Variants in PCDH15 observed in about 807,000 individuals in gnomAD.
The protein encoded by PCDH15 is protocadherin related 15, also known as protocadherin-15.
In PCDH15, 129 loss-of-function variants were observed where a neutral mutation model predicts 178.5. That is an observed-to-expected ratio of 0.72 (90% CI 0.63 to 0.84). PCDH15 has a LOEUF of 0.84. PCDH15 is among the 40% of genes least tolerant of loss of function. The probability of loss-of-function intolerance (pLI) is 0.00; values close to 1 mark genes in which losing one functional copy is unlikely to be tolerated. For missense variants in PCDH15, 2,230 were observed against 2,099.9 expected, an observed-to-expected ratio of 1.06 and a Z score of -1.21; for synonymous variants, 800 against 732.0, an observed-to-expected ratio of 1.09 and a Z score of -1.50.
intron 2 of PCDH15, among the ~76,000 whole-genome samples, chr10:55,094,116 A>C (rs1842386365): frequency 6.6e-6 from 1 of 152,162 alleles, no homozygotes; most frequent in Non-Finnish European, 1.5e-5. Flanking sequence ...GGCACTATTC[A>C]CAATAGCAAA....
chr10:54,182,234 T>G (rs1024983270), intron 13 of PCDH15, among the ~76,000 whole-genome samples: 1 of 152,198 alleles, frequency 6.6e-6, no homozygotes, highest in Admixed American at 6.5e-5. Context: ...CCCAAAGTGC[T>G]AGGATTACAG....
chr10:54,853,366 CAT>C (rs375046492), intron 3 of PCDH15, among the ~76,000 whole-genome samples: 24,862 of 136,898 alleles, frequency 0.18, 2,886 homozygotes, highest in East Asian at 0.45. Flanking sequence ...TACACACACA[CAT>C]ATATATATAC....
intron 4 of PCDH15, among the ~76,000 whole-genome samples, chr10:54,370,398 A>G (rs1283329111): frequency 6.6e-6 from 1 of 151,840 alleles, no homozygotes; most frequent in East Asian, 1.9e-4. Context: ...GGCTCGTTGT[A>G]TATTTTATGT....
chr10:53,849,387 C>T (rs1488797896), intron 28 of PCDH15, among the ~76,000 whole-genome samples: 1 of 151,804 alleles, frequency 6.6e-6, no homozygotes, highest in African/African-American at 2.4e-5. Context: ...AGACTATAAG[C>T]ATTCAGAAAT....
At position 54,154,117 on chromosome 10, in the gene PCDH15, C is replaced by G. The variant is rs369480403; in HGVS notation, c.1591-824G>C. Among the ~76,000 whole-genome samples, 18 of 152,170 alleles carry G rather than the reference C, an allele frequency of 1.2e-4. 1 individual carries two copies. Among genetic ancestry groups the G allele is most frequent in the Admixed American group, 1.1e-3 (17 of 15,268 alleles). On this transcript the variant is annotated intron_variant, in intron 13 of 37. Coordinates refer to ENST00000644397, the MANE Select transcript of PCDH15 (RefSeq NM_001384140.1). ...GATAACAATGATTAACTTCATCAAG[C>G]AACATTAAAGCAACAGTGATTTATT...
At chr10:54,636,285 C>A (rs2093851073) in intron 2 of PCDH15, among the ~76,000 whole-genome samples, 1 of 151,692 alleles carries the variant, frequency 6.6e-6, no homozygotes, top group East Asian at 1.9e-4. Context: ...TTGCTTAAAC[C>A]AAGAATTAGA....
chr10:55,440,629 CT>C (rs1428862162), intron 2 of PCDH15, among the ~76,000 whole-genome samples: 3 of 152,076 alleles, frequency 2.0e-5, no homozygotes, highest in Admixed American at 6.6e-5. Context: ...ATAATTGGTA[CT>C]GTAAAAATTG....
rs544536066 is a variant in PCDH15, at chr10:54,419,286, A to G, written c.158-40344T>C. ...TTCACACCTATATATCAACAACTCA[A>G]ATCCAACTCCAATTCTTTCATAAGC... On this transcript the variant is annotated intron_variant, in intron 3 of 37. Transcript: ENST00000644397. Among the ~76,000 whole-genome samples, 3 of 151,752 alleles carry G rather than the reference A, an allele frequency of 2.0e-5. No individual in the cohort carries two copies. The East Asian group carries it at 5.8e-4, about 29-fold the overall frequency.
rs144725984 is a variant in PCDH15 at position 55,442,572 on chromosome 10, T to A, written c.-156+185053A>T. 4.2e-3 allele frequency among the ~76,000 whole-genome samples: 623 copies of A among 148,374 alleles called. 4 individuals carry two copies. Among genetic ancestry groups the A allele is most frequent in the African/African-American group, 0.015 (593 of 40,646 alleles). On this transcript the variant is annotated intron_variant, in intron 2 of 5. Coordinates refer to the PCDH15 transcript ENST00000613346. ...ATCTGTGACAAATTAATTATTATCA[T>A]CTTTATTATCTATGGGTGGGGATAG...
At chr10:54,301,499 T>C (rs892560697) in intron 8 of PCDH15, among the ~76,000 whole-genome samples, 10 of 152,188 alleles carry the variant, frequency 6.6e-5, no homozygotes, top group Admixed American at 5.9e-4. Context: ...GGGAATTAAC[T>C]TTTAATTAAT....
At chr10:54,795,174 T>C (rs1951831826) in intron 1 of PCDH15, among the ~76,000 whole-genome samples, 1 of 151,852 alleles carries the variant, frequency 6.6e-6, no homozygotes, top group African/African-American at 2.4e-5. Flanking sequence ...ATACTTTTTT[T>C]CTAACTTAAT....
intron 2 of PCDH15, among the ~76,000 whole-genome samples, chr10:55,522,376 T>A (rs1841197675): frequency 6.6e-6 from 1 of 151,824 alleles, no homozygotes; most frequent in South Asian, 2.1e-4. Flanking sequence ...CCTATTGATT[T>A]TCTGTCTGGA....
At chr10:55,305,046 T>A (rs1400250893) in intron 1 of PCDH15, among the ~76,000 whole-genome samples, 1 of 152,174 alleles carries the variant, frequency 6.6e-6, no homozygotes, top group African/African-American at 2.4e-5. Context: ...ACGCTATCTG[T>A]GAAAAAAGAA....
intron 3 of PCDH15, among the ~76,000 whole-genome samples, chr10:54,412,788 C>G (rs578178072): frequency 6.6e-6 from 1 of 152,230 alleles, no homozygotes; most frequent in South Asian, 2.1e-4. Context: ...GTGGCGTGAC[C>G]CCGGCTCACT....
chr10:55,601,645 T>C (rs927566850), intron 2 of PCDH15, among the ~76,000 whole-genome samples: 13 of 151,868 alleles, frequency 8.6e-5, no homozygotes, highest in African/African-American at 3.1e-4. Flanking sequence ...AGAATAAAAT[T>C]GAGTAAAAAA....
In PCDH15 at chr10:54,213,829, C is replaced by T. The variant is rs10825279; in HGVS notation, c.1098+107G>A. 0.56 allele frequency: 400,796 copies of T among 711,780 alleles called. 121,772 individuals carry two copies. Among genetic ancestry groups the T allele is most frequent in the Non-Finnish European group, 0.65 (271,114 of 416,254 alleles). The allele number at this position is 711,780 out of a possible 1,614,324, so 44.1% of individuals were successfully genotyped here. ...AACAAAAAATTGACTGACTGCTGTC[C>T]ACATTAATTTTAATTTTATAACATA... is the stretch of plus-strand genomic sequence containing the variant. On this transcript the variant is annotated intron_variant, in intron 10 of 37. Coordinates refer to ENST00000644397, the MANE Select transcript of PCDH15 (RefSeq NM_001384140.1).
intron 21 of PCDH15, among the ~76,000 whole-genome samples, chr10:53,994,313 A>G (rs1345656495): frequency 6.6e-6 from 1 of 152,138 alleles, no homozygotes; most frequent in Non-Finnish European, 1.5e-5. Context: ...TCTATATTAA[A>G]TTCTGTGCTG....
chr10:55,420,953 G>T (rs547877325), intron 2 of PCDH15, among the ~76,000 whole-genome samples: 70 of 151,696 alleles, frequency 4.6e-4, no homozygotes, highest in Admixed American at 3.2e-3. Context: ...TTAACAAACA[G>T]GACAAAAGAC....
chr10:54,860,966 TTTTAA>T (rs1953830710), intron 3 of PCDH15, among the ~76,000 whole-genome samples: 2 of 152,164 alleles, frequency 1.3e-5, no homozygotes, highest in Admixed American at 6.5e-5. Flanking sequence ...TAATGGTATG[TTTTAA>T]TTTAAGTGCT....
Sources: gnomAD v4.1 joint callset for allele counts (sites outside exome capture counted in the v4.1 genomes callset) on GRCh38, gnomAD v4.1.1 for gene constraint, MANE v1.5 for transcripts, NCBI Gene and HGNC (gene_info 2026-07-23, HGNC 2026-07-21) for gene names.